The following TMEM114 variants were observed in gnomAD, a reference collection of about 807,000 sequenced individuals.
The protein encoded by TMEM114 is transmembrane protein 114, also known as claudin-26.
Under a neutral mutation model 6.2 loss-of-function variants are expected in TMEM114, and 6 were observed. The ratio of observed to expected loss-of-function variants is 0.97; its 90% confidence interval spans 0.53 to 1.91. The LOEUF is 1.91. Ranked by LOEUF, TMEM114 falls within the 40% of genes most tolerant of loss-of-function variation. The probability of loss-of-function intolerance (pLI) is 0.01; values close to 1 mark genes in which losing one functional copy is unlikely to be tolerated. For missense variants in TMEM114, 218 were observed against 158.3 expected (o/e 1.38, Z -2.02); for synonymous variants, 104 against 73.0 (o/e 1.42, Z -2.16).
chr16:8,534,675 T>C (rs111243649), downstream of TMEM114, among the ~76,000 whole-genome samples: 2,780 of 152,316 alleles, frequency 0.018, 41 homozygotes, highest in Non-Finnish European at 0.026. Context: ...TGGTGGTTGT[T>C]ACTGACTTTG....
At chr16:8,535,871 G>A (rs1042668950), downstream of TMEM114, among the ~76,000 whole-genome samples, 4 of 152,142 alleles carry the variant, frequency 2.6e-5, no homozygotes, top group South Asian at 2.1e-4. Flanking sequence ...TCTTTGGGTC[G>A]ATCCTGAGCA....
chr16:8,578,086 G>A (rs1327931504), intron 2 of TMEM114, among the ~76,000 whole-genome samples: 10 of 152,116 alleles, frequency 6.6e-5, no homozygotes, highest in Admixed American at 4.6e-4. Context: ...AGGCTGTGAC[G>A]TGTCACAGAG....
chr16:8,576,138 G>C (rs80322569), intron 2 of TMEM114, among the ~76,000 whole-genome samples: 2,694 of 152,238 alleles, frequency 0.018, 91 homozygotes, highest in African/African-American at 0.062. Flanking sequence ...TGTAAACAAG[G>C]TCTCTGTGCC....
At chr16:8,585,443 C>T (rs1447908292) in intron 2 of TMEM114, among the ~76,000 whole-genome samples, 2 of 151,966 alleles carry the variant, frequency 1.3e-5, no homozygotes, top group Non-Finnish European at 2.9e-5. Flanking sequence ...TCCCATACAC[C>T]CCCACCAGGA....
rs1358055606 is a variant in TMEM114 at position 8,590,507 on chromosome 16, G to C, written c.-669C>G. On this transcript the variant is annotated 5_prime_UTR_variant, in exon 1 of 4. Coordinates refer to ENST00000620492, the MANE Select transcript of TMEM114 (RefSeq NM_001146336.2). Reference sequence around the variant, plus strand: ...CCTCCTCCTCGCCGAGGAAAAGCTCGGAGTGCGCACGCAGCATGGACGGGG... The same window carrying C: ...CCTCCTCCTCGCCGAGGAAAAGCTCCGAGTGCGCACGCAGCATGGACGGGG... Among the ~76,000 whole-genome samples, 1 of 152,158 alleles carries C rather than the reference G, an allele frequency of 6.6e-6. No homozygotes were observed. The highest frequency in any genetic ancestry group is 6.5e-5 in the Admixed American group (1 of 15,276).
downstream of TMEM114, among the ~76,000 whole-genome samples, chr16:8,534,324 A>G (rs1338545536): frequency 6.6e-6 from 1 of 151,016 alleles, no homozygotes; most frequent in Non-Finnish European, 1.5e-5. Flanking sequence ...AATGACCATC[A>G]TTAAAATTTA....
At chr16:8,534,007 C>G (rs552647294), downstream of TMEM114, among the ~76,000 whole-genome samples, 4 of 152,186 alleles carry the variant, frequency 2.6e-5, no homozygotes, top group Non-Finnish European at 5.9e-5. Context: ...CTTTGTGAAG[C>G]CTGAAAATGG....
chr16:8,561,683 G>T (rs1596477501), intron 2 of TMEM114, among the ~76,000 whole-genome samples: 1 of 152,254 alleles, frequency 6.6e-6, no homozygotes. Flanking sequence ...ATAAATGAAT[G>T]AGTGAGCGAG....
At chr16:8,566,595 C>G (rs1901553281), downstream of TMEM114, among the ~76,000 whole-genome samples, 2 of 152,198 alleles carry the variant, frequency 1.3e-5, no homozygotes, top group Admixed American at 1.3e-4. Context: ...CCCAACCCCA[C>G]TTAATCATCA....
chr16:8,533,534 C>G (rs1900275330), downstream of TMEM114, among the ~76,000 whole-genome samples: 2 of 152,136 alleles, frequency 1.3e-5, no homozygotes, highest in African/African-American at 2.4e-5. Context: ...TAATAGGAAA[C>G]CACTGAATAT....
At chr16:8,574,930 T>A (rs559910703) in intron 2 of TMEM114, among the ~76,000 whole-genome samples, 68 of 152,220 alleles carry the variant, frequency 4.5e-4, no homozygotes, top group African/African-American at 1.6e-3. Context: ...CTTTGCTACA[T>A]TTTTTTCCCA....
intron 2 of TMEM114, among the ~76,000 whole-genome samples, chr16:8,558,200 C>T (rs1225485207): frequency 2.6e-5 from 4 of 152,108 alleles, no homozygotes; most frequent in Non-Finnish European, 5.9e-5. Flanking sequence ...TTGCAGTGAG[C>T]ACACGCCACT....
intron 2 of TMEM114, among the ~76,000 whole-genome samples, chr16:8,552,145 C>T (rs966860460): frequency 2.0e-5 from 3 of 150,666 alleles, no homozygotes; most frequent in Non-Finnish European, 2.9e-5. Context: ...GAGGCTGAAG[C>T]AAGAGGATCA....
At chr16:8,535,065 G>C (rs1483951208), downstream of TMEM114, among the ~76,000 whole-genome samples, 2 of 152,180 alleles carry the variant, frequency 1.3e-5, no homozygotes, top group Non-Finnish European at 2.9e-5. Context: ...GGGAGTGGTG[G>C]TGGAGGGGTG....
Position 8,538,244 on chromosome 16 carries a change from C to G in TMEM114, n.213-418G>C, listed in dbSNP as rs748068548. 8.6e-5 allele frequency among the ~76,000 whole-genome samples: 13 copies of G among 151,352 alleles called. No homozygotes were observed. The East Asian group carries it at 1.4e-3, about 16-fold the overall frequency. ...CACTGGAGCCTAGAAAACCATGATCCTTCCACTGCACTGTAGCCTGGGTGA... is the reference window on the plus strand; with the variant it reads ...CACTGGAGCCTAGAAAACCATGATCGTTCCACTGCACTGTAGCCTGGGTGA... On this transcript the variant is annotated intron_variant and non_coding_transcript_variant, in intron 2 of 2. Coordinates refer to the TMEM114 transcript ENST00000623677.
At chr16:8,574,860 G>A (rs1473334831) in intron 2 of TMEM114, among the ~76,000 whole-genome samples, 2 of 152,170 alleles carry the variant, frequency 1.3e-5, no homozygotes, top group Non-Finnish European at 2.9e-5. Context: ...CCACCCAGGA[G>A]AGAGCTATAA....
At chr16:8,558,669 G>A (rs1029047733) in intron 2 of TMEM114, among the ~76,000 whole-genome samples, 1 of 151,950 alleles carries the variant, frequency 6.6e-6, no homozygotes, top group Non-Finnish European at 1.5e-5. Context: ...CACCCACCCT[G>A]AGCATTTCAC....
chr16:8,542,316 T>A (rs1900539276), intron 2 of TMEM114, among the ~76,000 whole-genome samples: 1 of 152,204 alleles, frequency 6.6e-6, no homozygotes. Flanking sequence ...ACAAGAGATG[T>A]TTTATCCTAC....
At position 8,582,247 on chromosome 16, in the gene TMEM114, G is replaced by A. The variant is rs114856798; in HGVS notation, c.301+6966C>T. 4.9e-3 allele frequency among the ~76,000 whole-genome samples: 751 copies of A among 152,230 alleles called. 10 individuals carry two copies. Among genetic ancestry groups the A allele is most frequent in the African/African-American group, 0.017 (711 of 41,536 alleles). On this transcript the variant is annotated intron_variant, in intron 2 of 3. Transcript: ENST00000620492. The stretch of plus-strand genomic sequence containing the variant: ...CTGTTGTCCTCATCTGACCAGCCTG[G>A]CCTCTCTTATGGGCTCTTAGGAGAC...
Sources: gnomAD v4.1 joint callset for allele counts (sites outside exome capture counted in the v4.1 genomes callset) on GRCh38, gnomAD v4.1.1 for gene constraint, MANE v1.5 for transcripts, NCBI Gene and HGNC (gene_info 2026-07-23, HGNC 2026-07-21) for gene names.